The following CD96 variants were observed in gnomAD, a reference collection of about 807,000 sequenced individuals.
The protein encoded by CD96 is CD96 molecule.
Under a neutral mutation model 71.3 loss-of-function variants are expected in CD96, and 70 were observed. The ratio of observed to expected loss-of-function variants is 0.98; its 90% CI spans 0.81 to 1.20. CD96 has a LOEUF of 1.20. Ranked by LOEUF, CD96 falls within the 50% of genes most tolerant of loss-of-function variation. The probability of loss-of-function intolerance (pLI) is 0.00; values close to 1 mark genes in which losing one functional copy is unlikely to be tolerated. For synonymous variants in CD96, 248 were observed against 233.0 expected, an observed-to-expected ratio of 1.06 and a Z score of -0.59; for missense variants, 742 against 677.5, an observed-to-expected ratio of 1.10 and a Z score of -1.06.
intron 8 of CD96, among the ~76,000 whole-genome samples, chr3:111,621,574 A>G (rs1435842039): frequency 6.6e-6 from 1 of 152,264 alleles, no homozygotes; most frequent in Non-Finnish European, 1.5e-5. Context: ...GAATTGCTGC[A>G]GAGAGAACAA....
At chr3:111,581,204 G>T (rs1362337714) in intron 4 of CD96, among the ~76,000 whole-genome samples, 6 of 152,068 alleles carry the variant, frequency 3.9e-5, no homozygotes. Flanking sequence ...CTGCCTGCTT[G>T]TTCAGAAAAT....
In CD96 at chr3:111,545,060, A is replaced by G. The variant is rs778020017; in HGVS notation, c.76A>G (p.Thr26Ala). The part of the protein sequence containing the change: ...IHFVKGVWEK[T>A]VNTEENVYAT... ...TTTCTTTTCAGGAGTTTGGGAAAAA[A>G]CAGTCAACACAGAAGAAAATGTTTA... Residue 26 changes from threonine to alanine, a missense_variant, in exon 2 of 14, where the codon ACA (threonine) becomes GCA (alanine). Physicochemically the swap from Thr to Ala is moderately conservative, Grantham distance 58 (BLOSUM62 0). Coordinates refer to ENST00000352690, the MANE Select transcript of CD96 (RefSeq NM_005816.5). 9.9e-6 allele frequency: 16 copies of G among 1,613,940 alleles called. No homozygotes were observed. The highest frequency in any genetic ancestry group is 1.3e-5 in the Non-Finnish European group (15 of 1,179,958).
intron 14 of CD96, among the ~76,000 whole-genome samples, chr3:111,660,345 A>G (rs1940326153): frequency 6.6e-6 from 1 of 152,184 alleles, no homozygotes; most frequent in Admixed American, 6.5e-5. Flanking sequence ...ACTACAAAAC[A>G]CTGTTGAAAG....
chr3:111,579,751 A>G (rs922226445), intron 4 of CD96, among the ~76,000 whole-genome samples: 1 of 152,116 alleles, frequency 6.6e-6, no homozygotes. Flanking sequence ...CCAGTAACCC[A>G]TTAATCCATG....
At chr3:111,603,671 T>C (rs568165184) in intron 7 of CD96, among the ~76,000 whole-genome samples, 1 of 152,350 alleles carries the variant, frequency 6.6e-6, no homozygotes, top group African/African-American at 2.4e-5. Flanking sequence ...GTTTATTAAA[T>C]GGATTTCTGA....
chr3:111,608,073 ACCTGG>A (rs1937712721), intron 8 of CD96, among the ~76,000 whole-genome samples: 1 of 141,984 alleles, frequency 7.0e-6, no homozygotes, highest in South Asian at 2.4e-4. Context: ...GAAGGTGCTA[ACCTGG>A]GTTCTTTCAT....
At chr3:111,592,330 A>G (rs913796705) in intron 5 of CD96, among the ~76,000 whole-genome samples, 1 of 152,228 alleles carries the variant, frequency 6.6e-6, no homozygotes, top group Non-Finnish European at 1.5e-5. Context: ...ATCTCTGAAC[A>G]TTTAAAGGTA....
chr3:111,644,726 C>T (rs1315147595), intron 12 of CD96, among the ~76,000 whole-genome samples: 1 of 152,042 alleles, frequency 6.6e-6, no homozygotes, highest in Non-Finnish European at 1.5e-5. Context: ...AGACAATTCT[C>T]AAAAGAAGAT....
At chr3:111,644,891 G>A (rs9870533) in intron 12 of CD96, among the ~76,000 whole-genome samples, 22,832 of 152,044 alleles carry the variant, frequency 0.15, 1,909 homozygotes, top group East Asian at 0.28. Flanking sequence ...GGTGAACAGA[G>A]AACGCTTCTA....
intron 8 of CD96, among the ~76,000 whole-genome samples, chr3:111,621,629 G>T (rs1938522519): frequency 6.6e-6 from 1 of 152,164 alleles, no homozygotes; most frequent in South Asian, 2.1e-4. Context: ...TAAATCACTT[G>T]GTGATCCATA....
At chr3:111,641,433 TA>T (rs1316910991) in intron 12 of CD96, among the ~76,000 whole-genome samples, 2 of 152,198 alleles carry the variant, frequency 1.3e-5, no homozygotes, top group Non-Finnish European at 2.9e-5. Flanking sequence ...AGGCCTTGTC[TA>T]ACAGGAAAAT....
chr3:111,545,722 G>C (rs1270164947), intron 2 of CD96, among the ~76,000 whole-genome samples: 1 of 152,172 alleles, frequency 6.6e-6, no homozygotes, highest in Non-Finnish European at 1.5e-5. Context: ...CACAATTTAG[G>C]AGGTGGGGCT....
At chr3:111,573,975 C>T (rs1252619210) in intron 3 of CD96, among the ~76,000 whole-genome samples, 3 of 152,138 alleles carry the variant, frequency 2.0e-5, no homozygotes, top group East Asian at 1.9e-4. Context: ...TGTTCTGGTG[C>T]TCTAGAAAAT....
intron 5 of CD96, among the ~76,000 whole-genome samples, chr3:111,586,088 A>C (rs754165616): frequency 3.3e-5 from 5 of 152,216 alleles, no homozygotes; most frequent in Non-Finnish European, 7.3e-5. Flanking sequence ...TAAAAATTAA[A>C]TAACATATGA....
At chr3:111,611,874 T>G (rs1040566743) in intron 8 of CD96, among the ~76,000 whole-genome samples, 1 of 152,180 alleles carries the variant, frequency 6.6e-6, no homozygotes, top group African/African-American at 2.4e-5. Context: ...AAGGTAAAGA[T>G]GAGCTTCAAC....
intron 5 of CD96, chr3:111,593,545 T>C: frequency 6.6e-7 from 1 of 1,512,826 alleles, no homozygotes; most frequent in East Asian, 2.3e-5. Flanking sequence ...CAAGCCCAAT[T>C]TAAACAAAAT....
intron 13 of CD96, among the ~76,000 whole-genome samples, chr3:111,648,379 C>T (rs1939931237): frequency 6.6e-6 from 1 of 152,146 alleles, no homozygotes; most frequent in South Asian, 2.1e-4. Context: ...CATATACTTT[C>T]CTACCTTTTG....
At chr3:111,613,249 G>C (rs1380389570) in intron 8 of CD96, among the ~76,000 whole-genome samples, 2 of 152,076 alleles carry the variant, frequency 1.3e-5, no homozygotes, top group Non-Finnish European at 2.9e-5. Flanking sequence ...CATAATTATT[G>C]AGTATCTACA....
intron 10 of CD96, among the ~76,000 whole-genome samples, chr3:111,629,790 A>G (rs960030112): frequency 3.4e-4 from 51 of 152,214 alleles, no homozygotes; most frequent in African/African-American, 1.2e-3. Context: ...CAGTAAATGC[A>G]AAAGAATGGA....
Sources: allele counts gnomAD v4.1 joint callset (sites outside exome capture counted in the v4.1 genomes callset), GRCh38; gene constraint gnomAD v4.1.1; transcripts MANE v1.5; gene names NCBI Gene and HGNC (gene_info 2026-07-23, HGNC 2026-07-21).